The following ACSL6 variants were observed in gnomAD, a reference collection of about 807,000 sequenced individuals.
ACSL6 encodes the protein acyl-CoA synthetase long chain family member 6.
Under a neutral mutation model 98.2 loss-of-function variants are expected in ACSL6, and 47 were observed. The observed-to-expected ratio is 0.48, with a 90% CI of 0.38 to 0.61. ACSL6 has a LOEUF of 0.61. Among genes scored for constraint, ACSL6 ranks in the 20% least tolerant of loss-of-function variants. ACSL6 has a pLI of 0.00. For missense variants in ACSL6, 761 were observed against 913.4 expected (o/e 0.83, Z 2.15); for synonymous variants, 362 against 336.9 (o/e 1.07, Z -0.82).
Position 131,966,451 on chromosome 5 carries a change from A to C in ACSL6, c.1678T>G (p.Trp560Gly). Reference sequence around the variant, plus strand: ...TTTCCGATGTCTCCAGTGTGAAGCCAGCCATCGCTGTCCAGGGCCTCCTTC... The same window carrying C: ...TTTCCGATGTCTCCAGTGTGAAGCCCGCCATCGCTGTCCAGGGCCTCCTTC... Reference protein sequence around the residue: ...RTKEALDSDGWLHTGDIGKWL... With the variant: ...RTKEALDSDGGLHTGDIGKWL... Residue 560 changes from tryptophan (W) to glycine (G), a missense_variant, in exon 17 of 21, where the codon TGG (tryptophan) becomes GGG (glycine). Physicochemically the swap from Trp to Gly is radical, Grantham distance 184 (BLOSUM62 -2). Coordinates refer to ENST00000651883, the MANE Select transcript of ACSL6 (RefSeq NM_001009185.3). 1 of 1,614,208 alleles carries C rather than the reference A, an allele frequency of 6.2e-7. No homozygotes were observed. The highest frequency in any genetic ancestry group is 8.5e-7 in the Non-Finnish European group (1 of 1,180,036).
At chr5:131,987,276 T>C (rs1385556853) in intron 7 of ACSL6, among the ~76,000 whole-genome samples, 1 of 152,140 alleles carries the variant, frequency 6.6e-6, no homozygotes, top group African/African-American at 2.4e-5. Context: ...AGTGTGAGCA[T>C]GTTGGGTTTA....
At chr5:131,968,111 T>G in intron 15 of ACSL6, 83 bp from the exon 16 acceptor site, 3 of 1,197,230 alleles carry the variant, frequency 2.5e-6, no homozygotes, top group Non-Finnish European at 3.6e-6. Context: ...TTAAAATCTC[T>G]GAGTGGCCAA....
upstream of ACSL6, chr5:132,012,076 G>A: frequency 9.4e-7 from 1 of 1,066,420 alleles, no homozygotes; most frequent in Non-Finnish European, 1.3e-6. Flanking sequence ...AATGGCAGCC[G>A]GGTCGCGGTT....
intron 2 of ACSL6, among the ~76,000 whole-genome samples, chr5:131,992,662 C>G (rs1754587673): frequency 6.6e-6 from 1 of 152,216 alleles, no homozygotes; most frequent in Admixed American, 6.5e-5. Flanking sequence ...CAGATGCCTG[C>G]AGCTGCTTTC....
In ACSL6 at chr5:131,992,319, C is replaced by T. The variant is rs145346774; in HGVS notation, c.271-1352G>A. ...TGGGGAGCCAGGAAAGGGTTTTAGG[C>T]CAGGCGAGTGACAAGATCTGAATTA... is the stretch of plus-strand genomic sequence containing the variant. On this transcript the variant is annotated intron_variant, in intron 2 of 20. Coordinates refer to ENST00000651883, the MANE Select transcript of ACSL6 (RefSeq NM_001009185.3). Among the ~76,000 whole-genome samples, 20 of 152,248 alleles carry T rather than the reference C, an allele frequency of 1.3e-4. No homozygotes were observed. The East Asian group carries it at 3.3e-3, about 25-fold the overall frequency.
At chr5:131,960,754 G>A in intron 18 of ACSL6, 133 bp from the exon 19 acceptor site, 2 of 611,906 alleles carry the variant, frequency 3.3e-6, no homozygotes, top group Admixed American at 3.4e-5. Flanking sequence ...ATTTGTTGAT[G>A]TCATGAAATC....
At chr5:132,001,067 A>C (rs1755061511) in intron 1 of ACSL6, among the ~76,000 whole-genome samples, 1 of 152,110 alleles carries the variant, frequency 6.6e-6, no homozygotes, top group South Asian at 2.1e-4. Flanking sequence ...TCAGCCCACA[A>C]AGTCACTTCA....
At chr5:131,997,068 A>G (rs1358961093) in intron 1 of ACSL6, among the ~76,000 whole-genome samples, 1 of 152,120 alleles carries the variant, frequency 6.6e-6, no homozygotes, top group African/African-American at 2.4e-5. Flanking sequence ...ACAAAATCTC[A>G]TACAAAGATC....
intron 14 of ACSL6, among the ~76,000 whole-genome samples, chr5:131,971,039 C>T (rs1040656348): frequency 2.0e-5 from 3 of 152,206 alleles, no homozygotes; most frequent in Non-Finnish European, 4.4e-5. Flanking sequence ...TACTTCAAAT[C>T]CATCAGCCAC....
rs1283973860 is a variant in ACSL6 at position 131,974,918 on chromosome 5, G to C, written c.1043C>G (p.Ala348Gly). The C allele has an allele frequency of 1.2e-6, 2 of 1,614,198 alleles. No homozygotes were observed. The highest frequency in any genetic ancestry group is 2.2e-5 in the South Asian group (2 of 91,070). Residue 348 changes from alanine to glycine, a missense_variant, in exon 11 of 21, where the codon GCT (alanine) becomes GGT (glycine). By Grantham distance (60) the Ala-to-Gly change is moderately conservative (BLOSUM62 0). Coordinates refer to ENST00000651883, the MANE Select transcript of ACSL6 (RefSeq NM_001009185.3). ...DDVLISFLPL[A>G]HMFERVIQSV... ...CTGGATTACTCTCTCAAACATGTGA[G>C]CCAGAGGCAGGAAGGAGATGAGCAC...
Position 132,011,038 on chromosome 5 carries a change from G to C in ACSL6, c.49+467C>G, listed in dbSNP as rs935628189. 3.3e-5 allele frequency among the ~76,000 whole-genome samples: 5 copies of C among 152,214 alleles called. No individual in the cohort carries two copies. The highest frequency in any genetic ancestry group is 3.3e-4 in the Admixed American group (5 of 15,298). On this transcript the variant is annotated intron_variant, in intron 1 of 20. Coordinates refer to ENST00000651883, the MANE Select transcript of ACSL6 (RefSeq NM_001009185.3). This position sits in a 1 kb window ranked among gnomAD's most constrained non-coding sequence, Gnocchi z 5.4. Reference sequence around the variant, plus strand: ...GCTGAAGGACGGGCAGGGAGGGGTCGTGAGGAAGCCCCTCGCCGGGATCAG... The same window carrying C: ...GCTGAAGGACGGGCAGGGAGGGGTCCTGAGGAAGCCCCTCGCCGGGATCAG...
chr5:131,985,266 GT>G (rs67060241), intron 9 of ACSL6, 140 bp downstream of exon 9: 302,164 of 1,030,482 alleles, frequency 0.29, 52,032 homozygotes, highest in African/African-American at 0.63. Flanking sequence ...GGTGCAGGAG[GT>G]CACCCAGTGT....
At chr5:131,962,769 A>T in intron 17 of ACSL6, 91 bp from the exon 18 acceptor site, 1 of 1,391,826 alleles carries the variant, frequency 7.2e-7, no homozygotes, top group Non-Finnish European at 9.9e-7. Context: ...GCCCTACCCC[A>T]CCCTGCAGAC....
rs373284209 is a variant in ACSL6, at chr5:131,960,586, T to C, written c.1893A>G (p.Glu631=). The change falls in exon 19 of 21, where the codon GAA becomes GAG. Residue 631 remains glutamate (E), a synonymous_variant. Transcript: ENST00000651883. ...FLVGIVVPDP[E]VMPSWAQKRG... ...TCTTCTGGGCCCAGGAGGGCATAAC[T>C]TCAGGGTCAGGCACAACAATGCCTA... 3.9e-4 allele frequency: 625 copies of C among 1,614,008 alleles called. 2 individuals are homozygous for C. Among genetic ancestry groups the C allele is most frequent in the Non-Finnish European group, 5.2e-4 (611 of 1,180,034 alleles).
chr5:131,973,486 A>C, intron 11 of ACSL6, 86 bp from the exon 12 acceptor site: 2 of 1,440,492 alleles, frequency 1.4e-6, no homozygotes, highest in Non-Finnish European at 9.4e-7. Context: ...GCTGCCCTAC[A>C]TGGAGGGCAC....
At chr5:131,985,768 C>T (rs539716354) in intron 8 of ACSL6, among the ~76,000 whole-genome samples, 1 of 152,226 alleles carries the variant, frequency 6.6e-6, no homozygotes, top group South Asian at 2.1e-4. Context: ...TGGGATTGGG[C>T]TGCAGTGGCC....
At chr5:131,955,260 G>T (rs1367946775) in intron 20 of ACSL6, among the ~76,000 whole-genome samples, 3 of 152,142 alleles carry the variant, frequency 2.0e-5, no homozygotes, top group Admixed American at 2.0e-4. Context: ...CTAAAGATGT[G>T]TATCATCAAG....
chr5:131,953,757 A>G lies in ACSL6; in HGVS notation c.*477T>C, dbSNP rs962439491. Reference sequence around the variant, plus strand: ...ATGAGTTATCATGTTTTCTTTTAGCATGATTCTATACACCTAGCTTTAATT... The same window carrying G: ...ATGAGTTATCATGTTTTCTTTTAGCGTGATTCTATACACCTAGCTTTAATT... On this transcript the variant is annotated 3_prime_UTR_variant, in exon 21 of 21. Coordinates refer to ENST00000651883, the MANE Select transcript of ACSL6 (RefSeq NM_001009185.3). The G allele has an allele frequency of 1.5e-5, 3 of 194,256 alleles. No individual in the cohort carries two copies. The highest frequency in any genetic ancestry group is 4.6e-5 in the African/African-American group (2 of 43,200). 12.0% of individuals were successfully genotyped at this position (194,256 alleles called of 1,614,324 possible).
chr5:131,973,688 C>T (rs1753444984), intron 11 of ACSL6: 1 of 283,828 alleles, frequency 3.5e-6, no homozygotes, highest in Non-Finnish European at 6.7e-6. Flanking sequence ...GCCCCCCTCA[C>T]CTACTCCCAA....
Sources: gnomAD v4.1 joint callset for allele counts (sites outside exome capture counted in the v4.1 genomes callset) on GRCh38, gnomAD v4.1.1 for gene constraint, Gnocchi (gnomAD v3.1) non-coding constraint, MANE v1.5 for transcripts, NCBI Gene and HGNC (gene_info 2026-07-23, HGNC 2026-07-21) for gene names.